The following DOC2B variants were observed in gnomAD, a reference collection of about 807,000 sequenced individuals.
The protein encoded by DOC2B is double C2 domain beta.
DOC2B carries 21 observed loss-of-function variants against 28.9 expected under a neutral mutation model. The observed-to-expected ratio is 0.73, with a 90% CI of 0.52 to 1.05. The LOEUF is 1.05. Ranked by LOEUF, DOC2B falls within the 50% of genes least tolerant of loss-of-function variation. DOC2B has a pLI of 0.00. For synonymous variants in DOC2B, 194 were observed against 178.1 expected (o/e 1.09, Z -0.71); for missense variants, 384 against 421.1 (o/e 0.91, Z 0.77).
chr17:178,654 G>A (rs1056491388), intron 1 of DOC2B, among the ~76,000 whole-genome samples: 2 of 152,224 alleles, frequency 1.3e-5, no homozygotes, highest in Admixed American at 6.5e-5. Context: ...GGGAACATGC[G>A]AGTTATGTGC....
At chr17:154,523 C>T (rs2040111437) in intron 6 of DOC2B, among the ~76,000 whole-genome samples, 1 of 152,184 alleles carries the variant, frequency 6.6e-6, no homozygotes, top group African/African-American at 2.4e-5. Context: ...AGTGGATGGA[C>T]ACTTGGGGTG....
chr17:159,792 C>T (rs571656386), intron 5 of DOC2B, among the ~76,000 whole-genome samples: 3 of 152,206 alleles, frequency 2.0e-5, no homozygotes, highest in South Asian at 2.1e-4. Context: ...CATGCTTTCA[C>T]GAACGCACAC....
At position 172,724 on chromosome 17, in the gene DOC2B, T is replaced by C. The variant is rs1377929898; in HGVS notation, c.374-108A>G. On this transcript the variant is annotated intron_variant, in intron 1 of 8. Coordinates refer to ENST00000613549, the MANE Select transcript of DOC2B (RefSeq NM_003585.5). ...GGCCTGGGCAGGTGCCACCGTTCCA[T>C]GGCGGCTGCCACCAACCAAGCACCT... 3 of 882,322 alleles carry C rather than the reference T, an allele frequency of 3.4e-6. No individual in the cohort carries two copies. In the African/African-American group the frequency reaches 5.0e-5, roughly 15 times the overall value. The allele number at this position is 882,322 out of a possible 1,614,324, so 54.7% of individuals were successfully genotyped here.
chr17:149,563 T>C (rs1567525935), intron 6 of DOC2B, among the ~76,000 whole-genome samples: 1 of 152,270 alleles, frequency 6.6e-6, no homozygotes, highest in East Asian at 1.9e-4. Context: ...AACTTCTTTT[T>C]TTTTTTCAGA....
chr17:169,120 C>A (rs749421881), intron 2 of DOC2B, among the ~76,000 whole-genome samples: 74 of 152,078 alleles, frequency 4.9e-4, no homozygotes, highest in Non-Finnish European at 5.9e-5. Flanking sequence ...GGAAGAGGAG[C>A]TTTCTAGTCT....
intron 6 of DOC2B, among the ~76,000 whole-genome samples, chr17:152,646 C>G (rs1555521920): frequency 6.6e-6 from 1 of 152,098 alleles, no homozygotes; most frequent in Non-Finnish European, 1.5e-5. Flanking sequence ...GTGGTGCACA[C>G]CTGTAGTCCC....
intron 2 of DOC2B, 143 bp from the exon 3 acceptor site, chr17:164,347 A>C (rs538522263): frequency 1.6e-6 from 1 of 639,468 alleles, no homozygotes; most frequent in African/African-American, 1.8e-5. Context: ...CCACACCTCC[A>C]GATGGAGGGA....
At chr17:168,733 ACATC>A (rs2040277372) in intron 2 of DOC2B, among the ~76,000 whole-genome samples, 1 of 151,620 alleles carries the variant, frequency 6.6e-6, no homozygotes, top group Non-Finnish European at 1.5e-5. Context: ...GGTAGTGAAT[ACATC>A]TCACGAGATC....
intron 1 of DOC2B, among the ~76,000 whole-genome samples, chr17:178,358 C>T (rs142232231): frequency 0.01 from 1,588 of 152,374 alleles, 19 homozygotes; most frequent in African/African-American, 0.035. Context: ...CCTCAGCTGT[C>T]CTCATTGTTT....
chr17:146,137 G>C lies in DOC2B; in HGVS notation c.*1304C>G, dbSNP rs2040016827. 6.6e-6 allele frequency: 1 copy of C among 152,242 alleles called. No individual in the cohort carries two copies. Among genetic ancestry groups the C allele is most frequent in the Non-Finnish European group, 1.5e-5 (1 of 68,092 alleles). 9.4% of individuals were successfully genotyped at this position (152,242 alleles called of 1,614,324 possible). On this transcript the variant is annotated 3_prime_UTR_variant, in exon 9 of 9. Transcript: ENST00000613549. ...ATTCTTGCTCAGCTCCTGGAGGGTG[G>C]AGCTGGCCCCACAGGCCTCCCCAGA...
chr17:161,329 G>A (rs1452417694), intron 5 of DOC2B, 86 bp downstream of exon 5: 11 of 1,376,506 alleles, frequency 8.0e-6, no homozygotes, highest in Non-Finnish European at 1.1e-5. Context: ...TGCCCCTCAT[G>A]AGTCCCATCA....
Position 164,299 on chromosome 17 carries a change from G to C in DOC2B, c.454-95C>G, listed in dbSNP as rs577567679. The C allele has an allele frequency of 9.6e-5, 96 of 1,001,464 alleles. No individual in the cohort carries two copies. In the African/African-American group the frequency reaches 1.1e-3, roughly 12 times the overall value. The allele number at this position is 1,001,464 out of a possible 1,614,324, so 62.0% of individuals were successfully genotyped here. On this transcript the variant is annotated intron_variant, in intron 2 of 8. Coordinates refer to ENST00000613549, the MANE Select transcript of DOC2B (RefSeq NM_003585.5). ...CCTTGTCCCCTGGGTCTCCTGGCTG[G>C]GCCCATTCATGGCCCCTTTCACAGA... is the stretch of plus-strand genomic sequence containing the variant.
chr17:161,551 G>A lies in DOC2B; in HGVS notation c.639-10C>T. 6.4e-7 allele frequency: 1 copy of A among 1,551,570 alleles called. No individual in the cohort carries two copies. The highest frequency in any genetic ancestry group is 8.7e-7 in the Non-Finnish European group (1 of 1,146,958). ...GTCACACACAGAGATCCTAGAGGGG[G>A]CGGTGGTGAGGGGCACAGCCAGTGC... On this transcript the variant is annotated splice_polypyrimidine_tract_variant and intron_variant, in intron 4 of 8. Coordinates refer to ENST00000613549, the MANE Select transcript of DOC2B (RefSeq NM_003585.5).
At chr17:160,529 G>C (rs914693865) in intron 5 of DOC2B, among the ~76,000 whole-genome samples, 2 of 152,184 alleles carry the variant, frequency 1.3e-5, no homozygotes, top group African/African-American at 4.8e-5. Context: ...GACAGCCGCC[G>C]GGCTCTGTCC....
At chr17:155,147 A>T (rs1406271159) in intron 6 of DOC2B, among the ~76,000 whole-genome samples, 2 of 152,070 alleles carry the variant, frequency 1.3e-5, no homozygotes, top group Admixed American at 1.3e-4. Context: ...ACATGCCACT[A>T]CACCAGGCTA....
At chr17:149,802 G>A (rs1190849900) in intron 6 of DOC2B, among the ~76,000 whole-genome samples, 2 of 152,194 alleles carry the variant, frequency 1.3e-5, no homozygotes, top group African/African-American at 2.4e-5. Context: ...CACCACCCCC[G>A]GCCTCAAGCT....
intron 6 of DOC2B, among the ~76,000 whole-genome samples, chr17:154,462 A>C (rs886898685): frequency 2.6e-5 from 4 of 151,888 alleles, no homozygotes; most frequent in African/African-American, 9.7e-5. Flanking sequence ...ACTCCTTCTT[A>C]GGGCTGATAT....
In DOC2B at chr17:164,758, C is replaced by G. The variant is rs562312969; in HGVS notation, c.454-554G>C. The stretch of plus-strand genomic sequence containing the variant: ...CTCTCACTCTGGTTCTTTCAGAAAA[C>G]CCAGCCACGCGTGCACAGCCAGAGG... On this transcript the variant is annotated intron_variant, in intron 2 of 8. Coordinates refer to ENST00000613549, the MANE Select transcript of DOC2B (RefSeq NM_003585.5). Among the ~76,000 whole-genome samples the G allele has an allele frequency of 2.0e-5, 3 of 152,322 alleles. No individual in the cohort carries two copies. The South Asian group carries it at 6.2e-4, about 32-fold the overall frequency.
At position 168,694 on chromosome 17, in the gene DOC2B, G is replaced by T. The variant is rs1009263079; in HGVS notation, c.453+3843C>A. 4.1e-5 allele frequency among the ~76,000 whole-genome samples: 6 copies of T among 145,656 alleles called. No individual in the cohort carries two copies. The South Asian group carries it at 1.3e-3, about 33-fold the overall frequency. ...TCTTGAGGTAGTGAATACGTCTCACGAGATCTCATGGTCTGACACTCTTCT... is the reference window on the plus strand; with the variant it reads ...TCTTGAGGTAGTGAATACGTCTCACTAGATCTCATGGTCTGACACTCTTCT... On this transcript the variant is annotated intron_variant, in intron 2 of 8. Transcript: ENST00000613549.
Sources: gnomAD v4.1 joint callset for allele counts (sites outside exome capture counted in the v4.1 genomes callset) on GRCh38, gnomAD v4.1.1 for gene constraint, MANE v1.5 for transcripts, NCBI Gene and HGNC (gene_info 2026-07-23, HGNC 2026-07-21) for gene names.